The following DMD variants were observed in gnomAD, a reference collection of about 807,000 sequenced individuals.
DMD encodes the protein dystrophin, also known as mutant dystrophin.
In DMD, 63 loss-of-function variants were observed where a neutral mutation model predicts 330.1. That is an observed-to-expected ratio of 0.19 (90% CI 0.16 to 0.24). The LOEUF (loss-of-function observed/expected upper bound fraction) is 0.24. DMD is among the 10% of genes least tolerant of loss of function. DMD has a pLI of 1.00. For synonymous variants in DMD, 1,223 were observed against 959.8 expected, an observed-to-expected ratio of 1.27 and a Z score of -5.07; for missense variants, 3,344 against 2,684.1, an observed-to-expected ratio of 1.25 and a Z score of -5.43.
At chrX:33,050,252 GTAA>G (rs1323214427) in intron 1 of DMD, among the ~76,000 whole-genome samples, 1 of 111,639 alleles carries the variant, frequency 9.0e-6, no homozygotes, top group Non-Finnish European at 1.9e-5. Flanking sequence ...TGATAAGTGT[GTAA>G]TAATAAGTTC....
chrX:32,326,410 G>A (rs2097650896), intron 41 of DMD, among the ~76,000 whole-genome samples: 1 of 112,164 alleles, frequency 8.9e-6, no homozygotes, highest in African/African-American at 3.2e-5. Context: ...TAACTTAATA[G>A]ATGTAAATAG....
At chrX:32,993,433 G>A (rs955654891) in intron 2 of DMD, among the ~76,000 whole-genome samples, 10 of 109,540 alleles carry the variant, frequency 9.1e-5, no homozygotes, top group Admixed American at 2.9e-4. Context: ...GTGAAACCCC[G>A]TCTCTACTAA....
At position 32,388,209 on chromosome X, in the gene DMD, G is replaced by A. The variant is rs1038291086; in HGVS notation, c.4518+1292C>T. ...GTCACAGCTTGACACAGGTGAGATT[G>A]TTTTCAGCTCATATTTACTGTTGGA... On this transcript the variant is annotated intron_variant, in intron 32 of 78. Coordinates refer to ENST00000357033, the MANE Select transcript of DMD (RefSeq NM_004006.3). Among the ~76,000 whole-genome samples, 11 of 110,836 alleles carry A rather than the reference G, an allele frequency of 9.9e-5. No individual in the cohort carries two copies. The Admixed American group carries it at 1.1e-3, about 11-fold the overall frequency.
intron 57 of DMD, among the ~76,000 whole-genome samples, chrX:31,494,273 T>C (rs2069617395): frequency 9.1e-6 from 1 of 109,972 alleles, no homozygotes; most frequent in Admixed American, 9.8e-5. Context: ...TATGAGAAAA[T>C]ATTTAGTTAG....
intron 1 of DMD, among the ~76,000 whole-genome samples, chrX:33,074,919 G>A (rs997219619): frequency 3.6e-5 from 4 of 111,666 alleles, no homozygotes; most frequent in African/African-American, 1.3e-4. Flanking sequence ...CTAACTTTGG[G>A]AGACATTTAT....
chrX:32,474,672 G>C (rs1019990529), intron 21 of DMD, among the ~76,000 whole-genome samples: 1 of 111,350 alleles, frequency 9.0e-6, no homozygotes, highest in Non-Finnish European at 1.9e-5. Flanking sequence ...TTTGAGAACT[G>C]TCTATTCATG....
At chrX:32,344,039 A>C (rs1221625129) in intron 39 of DMD, among the ~76,000 whole-genome samples, 1 of 112,233 alleles carries the variant, frequency 8.9e-6, no homozygotes, top group Non-Finnish European at 1.9e-5. Flanking sequence ...TTTCAAATCA[A>C]TGTGATAAGA....
At chrX:32,158,534 C>T (rs2096838274) in intron 44 of DMD, among the ~76,000 whole-genome samples, 1 of 111,642 alleles carries the variant, frequency 9.0e-6, no homozygotes, top group Non-Finnish European at 1.9e-5. Context: ...TCTGTGGACC[C>T]CACTGTGTGT....
chrX:31,881,145 C>T (rs894140736), intron 47 of DMD, among the ~76,000 whole-genome samples: 2 of 110,806 alleles, frequency 1.8e-5, no homozygotes, highest in South Asian at 3.8e-4. Flanking sequence ...TATTTTTGTA[C>T]GGGTGTTCAA....
chrX:32,159,784 T>C (rs182829362), intron 44 of DMD, among the ~76,000 whole-genome samples: 1 of 111,730 alleles, frequency 9.0e-6, no homozygotes, highest in East Asian at 2.8e-4. Context: ...AAACAGTCTT[T>C]TATGTCAAGT....
chrX:33,010,430 C>G (rs954138735), intron 2 of DMD, among the ~76,000 whole-genome samples: 7 of 108,739 alleles, frequency 6.4e-5, no homozygotes, highest in Non-Finnish European at 1.1e-4. Context: ...CCAAAAATCC[C>G]AAATCCAAAA....
chrX:32,241,734 T>C (rs766354204), intron 43 of DMD, among the ~76,000 whole-genome samples: 1 of 112,709 alleles, frequency 8.9e-6, no homozygotes, highest in African/African-American at 3.2e-5. Flanking sequence ...CAACATATAT[T>C]TCTGTAAATA....
intron 44 of DMD, among the ~76,000 whole-genome samples, chrX:32,087,541 T>C (rs183703457): frequency 8.9e-6 from 1 of 111,827 alleles, no homozygotes; most frequent in East Asian, 2.8e-4. Flanking sequence ...TCCTTACTGA[T>C]ACATCGTGTT....
At chrX:32,558,388 T>A (rs1259222085) in intron 16 of DMD, among the ~76,000 whole-genome samples, 2 of 112,033 alleles carry the variant, frequency 1.8e-5, no homozygotes, top group Admixed American at 9.5e-5. Context: ...AAGTATAGGC[T>A]TAGGAAAAAG....
At chrX:32,313,546 G>T (rs967812966) in intron 41 of DMD, among the ~76,000 whole-genome samples, 10 of 111,167 alleles carry the variant, frequency 9.0e-5, no homozygotes, top group Non-Finnish European at 1.9e-4. Context: ...TGGAAGTCCT[G>T]GCCAGGGCAA....
In DMD at chrX:31,314,544, C is replaced by T. The variant is rs770623573; in HGVS notation, c.9224+9054G>A. Among the ~76,000 whole-genome samples the T allele has an allele frequency of 5.4e-5, 6 of 111,100 alleles. No homozygotes were observed. The South Asian group carries it at 2.3e-3, about 43-fold the overall frequency. On this transcript the variant is annotated intron_variant, in intron 62 of 78. Coordinates refer to ENST00000357033, the MANE Select transcript of DMD (RefSeq NM_004006.3). The stretch of plus-strand genomic sequence containing the variant: ...TCATCCCCCCAGGAGTTAATGGTAT[C>T]ACAGAAAACGTGATCATTTGCCGAA...
chrX:32,196,258 T>G (rs996466967), intron 44 of DMD, among the ~76,000 whole-genome samples: 3 of 112,255 alleles, frequency 2.7e-5, no homozygotes, highest in African/African-American at 9.7e-5. Context: ...TATGACAACT[T>G]GGATAATACA....
chrX:31,572,456 A>AT (rs1044451525), intron 55 of DMD, among the ~76,000 whole-genome samples: 7 of 111,226 alleles, frequency 6.3e-5, no homozygotes, highest in African/African-American at 1.6e-4. Context: ...GAGGATCCAC[A>AT]TTTTTTTTCC....
chrX:31,969,267 A>G (rs142598759), intron 44 of DMD, among the ~76,000 whole-genome samples: 3,390 of 111,881 alleles, frequency 0.03, 48 homozygotes, highest in Non-Finnish European at 0.048. Flanking sequence ...GGAGAATATT[A>G]CAACCAAGTA....
Sources: gnomAD v4.1 joint callset for allele counts (sites outside exome capture counted in the v4.1 genomes callset) on GRCh38, gnomAD v4.1.1 for gene constraint, MANE v1.5 for transcripts, NCBI Gene and HGNC (gene_info 2026-07-23, HGNC 2026-07-21) for gene names.